ALK: variants seen among roughly 807,000 people sequenced by gnomAD.
ALK encodes ALK tyrosine kinase receptor.
A neutral mutation model predicts 163.1 loss-of-function variants in ALK; 74 were observed. That is an observed-to-expected ratio of 0.45 (90% CI 0.38 to 0.55). The LOEUF is 0.55. ALK is among the 20% of genes least tolerant of loss of function. ALK has a pLI of 0.00. For synonymous variants in ALK, 960 were observed against 843.2 expected, an observed-to-expected ratio of 1.14 and a Z score of -2.40; for missense variants, 2,063 against 2,105.3, an observed-to-expected ratio of 0.98 and a Z score of 0.39.
At chr2:29,341,245 T>C (rs1667782861) in intron 5 of ALK, among the ~76,000 whole-genome samples, 1 of 152,226 alleles carries the variant, frequency 6.6e-6, no homozygotes, top group South Asian at 2.1e-4. Flanking sequence ...AGAAGGCTCC[T>C]TGTAGTGATC....
At chr2:29,260,063 T>A (rs1665046116) in intron 11 of ALK, among the ~76,000 whole-genome samples, 3 of 152,214 alleles carry the variant, frequency 2.0e-5, no homozygotes, top group Admixed American at 2.0e-4. Context: ...TTTTTCATTT[T>A]AAAAAATTTC....
intron 1 of ALK, among the ~76,000 whole-genome samples, chr2:29,906,436 G>T (rs898882059): frequency 6.6e-6 from 1 of 152,060 alleles, no homozygotes; most frequent in African/African-American, 2.4e-5. Context: ...AAAAGGGATA[G>T]GAGAGAAAGA....
At chr2:29,736,376 C>A (rs1679892466) in intron 1 of ALK, among the ~76,000 whole-genome samples, 1 of 151,650 alleles carries the variant, frequency 6.6e-6, no homozygotes, top group Admixed American at 6.6e-5. Context: ...ACTAAAATAA[C>A]CATGTGTCAT....
intron 1 of ALK, among the ~76,000 whole-genome samples, chr2:29,851,981 C>G (rs1469608260): frequency 1.3e-5 from 2 of 152,188 alleles, no homozygotes; most frequent in Admixed American, 6.5e-5. Context: ...CCTGTATTTT[C>G]TTATGTGCAG....
intron 1 of ALK, among the ~76,000 whole-genome samples, chr2:29,828,608 A>G (rs1439334439): frequency 1.3e-5 from 2 of 152,244 alleles, no homozygotes; most frequent in Non-Finnish European, 2.9e-5. Flanking sequence ...CAAAACCACA[A>G]TGAGATACCA....
intron 4 of ALK, among the ~76,000 whole-genome samples, chr2:29,526,451 A>C (rs913379149): frequency 3.3e-5 from 5 of 152,220 alleles, no homozygotes; most frequent in Non-Finnish European, 5.9e-5. Context: ...GGCTTTTAAA[A>C]ATTACCTTTA....
At chr2:29,663,730 CTG>C (rs1161208877) in intron 3 of ALK, among the ~76,000 whole-genome samples, 2 of 152,100 alleles carry the variant, frequency 1.3e-5, no homozygotes, top group Non-Finnish European at 2.9e-5. Context: ...CAAAATCTAA[CTG>C]TGGGTATCAG....
intron 3 of ALK, among the ~76,000 whole-genome samples, chr2:29,667,859 T>C (rs769743344): frequency 2.6e-5 from 4 of 152,096 alleles, no homozygotes; most frequent in Non-Finnish European, 5.9e-5. Flanking sequence ...TGAGCAAAAT[T>C]GGTATTAATT....
intron 4 of ALK, among the ~76,000 whole-genome samples, chr2:29,475,761 T>C (rs1344059739): frequency 6.6e-6 from 1 of 151,964 alleles, no homozygotes; most frequent in Admixed American, 6.6e-5. Context: ...TCCCACTGAG[T>C]GAACAGCGCT....
chr2:29,775,100 C>A (rs1386638913), intron 1 of ALK, among the ~76,000 whole-genome samples: 2 of 152,096 alleles, frequency 1.3e-5, no homozygotes, highest in East Asian at 1.9e-4. Flanking sequence ...AAAAAGAATT[C>A]TTATTTTAAT....
rs886353477 is a variant in ALK at position 29,702,139 on chromosome 2, G to A, written c.788-7125C>T. On this transcript the variant is annotated intron_variant, in intron 2 of 28. Transcript: ENST00000389048. ...TGGTGCAACAAAATACTAAAGAAATGGTCATGGTCATGTGCCATCAACTCC... is the reference window on the plus strand; with the variant it reads ...TGGTGCAACAAAATACTAAAGAAATAGTCATGGTCATGTGCCATCAACTCC... 1.3e-5 allele frequency among the ~76,000 whole-genome samples: 2 copies of A among 151,998 alleles called. 1 individual carries two copies. The highest frequency in any genetic ancestry group is 4.2e-4 in the South Asian group (2 of 4,810).
intron 9 of ALK, among the ~76,000 whole-genome samples, chr2:29,289,201 A>T (rs985563058): frequency 6.6e-6 from 1 of 152,108 alleles, no homozygotes; most frequent in African/African-American, 2.4e-5. Context: ...CTCGATCATT[A>T]TGGCCCCAAG....
At chr2:29,355,048 G>C (rs978946212) in intron 5 of ALK, among the ~76,000 whole-genome samples, 10 of 152,174 alleles carry the variant, frequency 6.6e-5, no homozygotes, top group African/African-American at 2.4e-4. Context: ...TTATAGGCGT[G>C]AGCCACTACG....
chr2:29,658,472 T>C (rs986635111), intron 3 of ALK, among the ~76,000 whole-genome samples: 2 of 152,218 alleles, frequency 1.3e-5, no homozygotes, highest in African/African-American at 4.8e-5. Context: ...TTAATAAATA[T>C]ATCTTTTCTT....
intron 4 of ALK, among the ~76,000 whole-genome samples, chr2:29,521,653 G>C (rs943103401): frequency 6.6e-5 from 10 of 152,288 alleles, no homozygotes; most frequent in African/African-American, 2.4e-4. Flanking sequence ...GAGAAAGAAG[G>C]AGGTTTGCTT....
rs183473381 is a variant in ALK at position 29,453,746 on chromosome 2, C to A, written c.1155-69887G>T. ...GAGAAAGAAAAAGAGGAAGGGAAGA[C>A]GATATGGAGCAAGTGTGAGGAGAAG... On this transcript the variant is annotated intron_variant, in intron 4 of 28. Coordinates refer to ENST00000389048, the MANE Select transcript of ALK (RefSeq NM_004304.5). 1.2e-3 allele frequency among the ~76,000 whole-genome samples: 177 copies of A among 151,992 alleles called. 1 individual carries two copies. The highest frequency in any genetic ancestry group is 3.8e-3 in the African/African-American group (157 of 41,454).
chr2:29,482,742 TAACAAC>T (rs67779903), intron 4 of ALK, among the ~76,000 whole-genome samples: 7 of 151,006 alleles, frequency 4.6e-5, no homozygotes, highest in East Asian at 2.0e-4. Context: ...AAAACAACAA[TAACAAC>T]AACAACAACA....
intron 3 of ALK, among the ~76,000 whole-genome samples, chr2:29,572,379 A>G (rs533019957): frequency 2.0e-5 from 3 of 152,126 alleles, no homozygotes; most frequent in African/African-American, 7.2e-5. Flanking sequence ...TTGAACTCAA[A>G]CTCCTCAGCT....
At chr2:29,516,063 G>A (rs1038469428) in intron 4 of ALK, among the ~76,000 whole-genome samples, 2 of 152,158 alleles carry the variant, frequency 1.3e-5, no homozygotes, top group Non-Finnish European at 2.9e-5. Context: ...TGCTGGAGTC[G>A]GGTCTGTGTT....
Sources: allele counts gnomAD v4.1 joint callset (sites outside exome capture counted in the v4.1 genomes callset), GRCh38; gene constraint gnomAD v4.1.1; transcripts MANE v1.5; gene names NCBI Gene and HGNC (gene_info 2026-07-23, HGNC 2026-07-21).